Variants in SIK3 observed in about 807,000 individuals in gnomAD.
The protein encoded by SIK3 is SIK family kinase 3.
In SIK3, 28 loss-of-function variants were observed where a neutral mutation model predicts 144.2. That is an observed-to-expected ratio of 0.19 (90% CI 0.14 to 0.27). The LOEUF (loss-of-function observed/expected upper bound fraction) is 0.27, where lower values mean the gene tolerates loss of function less well. SIK3 is among the 10% of genes least tolerant of loss of function. The pLI is 1.00. For missense variants in SIK3, 1,319 were observed against 1,776.0 expected (o/e 0.74, Z 4.62); for synonymous variants, 686 against 676.3 (o/e 1.01, Z -0.22).
intron 1 of SIK3, among the ~76,000 whole-genome samples, chr11:117,024,635 C>T (rs1951934226): frequency 6.6e-6 from 1 of 152,136 alleles, no homozygotes; most frequent in Admixed American, 6.5e-5. Flanking sequence ...CATGGTAGCT[C>T]ACACCTGTAA....
chr11:116,859,182 C>T, intron 20 of SIK3, 83 bp downstream of exon 20: 1 of 1,295,680 alleles, frequency 7.7e-7, no homozygotes, highest in South Asian at 1.4e-5. Flanking sequence ...TTCTCCTTCC[C>T]TCCTTTTCTC....
intron 1 of SIK3, among the ~76,000 whole-genome samples, chr11:117,030,431 A>G (rs1952208082): frequency 6.6e-6 from 1 of 152,236 alleles, no homozygotes; most frequent in Non-Finnish European, 1.5e-5. Flanking sequence ...TTTAAAATCT[A>G]TATTCATGGA....
intron 21 of SIK3, among the ~76,000 whole-genome samples, chr11:116,856,302 T>G (rs1409114550): frequency 2.6e-5 from 4 of 151,780 alleles, no homozygotes; most frequent in African/African-American, 9.7e-5. Context: ...TTCCACAACA[T>G]CCCCATACCA....
intron 1 of SIK3, among the ~76,000 whole-genome samples, chr11:117,084,302 T>C (rs1954914777): frequency 6.6e-6 from 1 of 152,188 alleles, no homozygotes; most frequent in Non-Finnish European, 1.5e-5. Context: ...TCTCGCTCTG[T>C]GGCCCAGGCT....
Position 116,913,343 on chromosome 11 carries a change from AGCAT to A in SIK3, c.616+13872_616+13875del, listed in dbSNP as rs376668249. Among the ~76,000 whole-genome samples, 9 of 152,306 alleles carry A rather than the reference AGCAT, an allele frequency of 5.9e-5. No homozygotes were observed. In the South Asian group the frequency reaches 1.9e-3, roughly 32 times the overall value. On this transcript the variant is annotated intron_variant, in intron 4 of 24. Transcript: ENST00000445177. ...TCTTATTTGGGGGGAGATTTGGATCAGCATTATATTGGCATTTCCAATGAGTGAC... is the reference window on the plus strand; with the variant it reads ...TCTTATTTGGGGGGAGATTTGGATCATATATTGGCATTTCCAATGAGTGAC...
intron 3 of SIK3, among the ~76,000 whole-genome samples, chr11:116,949,404 T>C (rs542516408): frequency 1.9e-4 from 29 of 152,238 alleles, no homozygotes; most frequent in Non-Finnish European, 2.8e-4. Flanking sequence ...TGCTGGCTGA[T>C]TGCCCTTTTG....
intron 1 of SIK3, among the ~76,000 whole-genome samples, chr11:116,978,409 G>C (rs1176289452): frequency 6.6e-6 from 1 of 151,978 alleles, no homozygotes; most frequent in Non-Finnish European, 1.5e-5. Flanking sequence ...CCTGAAGTTT[G>C]TTCATTTGCT....
intron 19 of SIK3, among the ~76,000 whole-genome samples, chr11:116,861,002 C>T (rs1189601270): frequency 6.6e-6 from 1 of 152,186 alleles, no homozygotes. Flanking sequence ...TCAATTAAAC[C>T]TCTTTCCTTT....
In SIK3 at chr11:117,027,749, GA is replaced by G. The variant is rs376608180; in HGVS notation, c.273+70393del. On this transcript the variant is annotated intron_variant, in intron 1 of 24. Coordinates refer to ENST00000445177, the MANE Select transcript of SIK3 (RefSeq NM_001366686.3). ...CCAAAAGTGCTGGGATTACAGACGT[GA>G]GCCACTGTGCCCGGCCCAGGGAAGG... Among the ~76,000 whole-genome samples the G allele has an allele frequency of 1.7e-3, 254 of 151,954 alleles. 1 individual carries two copies. The highest frequency in any genetic ancestry group is 5.8e-3 in the African/African-American group (241 of 41,440).
chr11:116,894,315 A>G (rs935367114), intron 6 of SIK3, among the ~76,000 whole-genome samples: 2 of 152,174 alleles, frequency 1.3e-5, no homozygotes, highest in Non-Finnish European at 2.9e-5. Flanking sequence ...TATTATCTAT[A>G]CACTGGGGAT....
intron 6 of SIK3, among the ~76,000 whole-genome samples, chr11:116,892,110 G>A (rs752467553): frequency 4.6e-4 from 69 of 151,548 alleles, no homozygotes; most frequent in Non-Finnish European, 5.0e-4. Flanking sequence ...ACTTGGATAT[G>A]TCGCCCTAGA....
intron 3 of SIK3, among the ~76,000 whole-genome samples, chr11:116,930,445 T>C (rs572619700): frequency 3.7e-4 from 56 of 152,352 alleles, no homozygotes; most frequent in Admixed American, 1.8e-3. Context: ...CAAGTTCAAA[T>C]GTGATATTTA....
intron 7 of SIK3, 70 bp downstream of exon 7, chr11:116,876,854 T>A: frequency 1.6e-6 from 2 of 1,279,454 alleles, no homozygotes; most frequent in Non-Finnish European, 2.3e-6. Flanking sequence ...ATGGCCTGAT[T>A]ACAATCACAT....
chr11:116,890,606 G>A (rs745366505), intron 6 of SIK3, among the ~76,000 whole-genome samples: 11 of 152,234 alleles, frequency 7.2e-5, no homozygotes, highest in Non-Finnish European at 1.5e-4. Flanking sequence ...AATGAAAGAA[G>A]TAGTTACAAT....
intron 6 of SIK3, among the ~76,000 whole-genome samples, chr11:116,894,226 G>A (rs948249260): frequency 6.6e-6 from 1 of 152,106 alleles, no homozygotes; most frequent in Non-Finnish European, 1.5e-5. Context: ...ATAGCGGTAT[G>A]TTCCAGAGTT....
intron 4 of SIK3, among the ~76,000 whole-genome samples, chr11:116,913,617 C>T (rs904065917): frequency 6.6e-6 from 1 of 152,114 alleles, no homozygotes; most frequent in African/African-American, 2.4e-5. Flanking sequence ...CAGTACTCAT[C>T]GGAATTCTTA....
At chr11:117,019,586 T>TC (rs1483137669) in intron 1 of SIK3, among the ~76,000 whole-genome samples, 1 of 151,674 alleles carries the variant, frequency 6.6e-6, no homozygotes, top group Non-Finnish European at 1.5e-5. Context: ...TCTCCTCATC[T>TC]CCTGCCAATA....
At chr11:117,032,078 G>C (rs1246726698) in intron 1 of SIK3, among the ~76,000 whole-genome samples, 1 of 151,966 alleles carries the variant, frequency 6.6e-6, no homozygotes, top group African/African-American at 2.4e-5. Flanking sequence ...TTGATTACTG[G>C]AGCTATACAA....
intron 1 of SIK3, among the ~76,000 whole-genome samples, chr11:116,958,091 G>C (rs1029279036): frequency 6.6e-6 from 1 of 152,100 alleles, no homozygotes. Context: ...AGCAATACTG[G>C]TTAGATGAAG....
Sources: gnomAD v4.1 joint callset for allele counts (sites outside exome capture counted in the v4.1 genomes callset) on GRCh38, gnomAD v4.1.1 for gene constraint, MANE v1.5 for transcripts, NCBI Gene and HGNC (gene_info 2026-07-23, HGNC 2026-07-21) for gene names.